SLC38A7: variants seen among roughly 807,000 people sequenced by gnomAD.
The protein encoded by SLC38A7 is solute carrier family 38 member 7, also known as sodium-coupled neutral amino acid transporter 7.
A neutral mutation model predicts 50.1 loss-of-function variants in SLC38A7; 29 were observed. That is an observed-to-expected ratio of 0.58 (90% CI 0.43 to 0.79). The LOEUF is 0.79. Ranked by LOEUF, SLC38A7 falls within the 30% of genes least tolerant of loss-of-function variation. SLC38A7 has a pLI of 0.00. For missense variants in SLC38A7, 483 were observed against 610.6 expected (o/e 0.79, Z 2.20); for synonymous variants, 244 against 245.9 (o/e 0.99, Z 0.07).
rs1282247319 is a variant in SLC38A7 at position 58,675,970 on chromosome 16, C to T, written c.853G>A (p.Val285Ile). 1 of 1,613,394 alleles carries T rather than the reference C, an allele frequency of 6.2e-7. No homozygotes were observed. ...CCCATGTAGACAGCGAGGGCTATGA[C>T]CATGGCAGCTGTCACCACTCCACCC... Reference protein sequence around the residue: ...TWGGVVTAAMVIALAVYMGTG... With the variant: ...TWGGVVTAAMIIALAVYMGTG... Residue 285 changes from valine to isoleucine, a missense_variant, in exon 8 of 12, where the codon GTC (valine) becomes ATC (isoleucine). Transcript: ENST00000219320.
chr16:58,673,472 C>G (rs12922357), intron 8 of SLC38A7, among the ~76,000 whole-genome samples: 92,053 of 151,762 alleles, frequency 0.61, 29,528 homozygotes, highest in African/African-American at 0.84. Flanking sequence ...CTGACCTCGT[C>G]ATCCGCCTGC....
chr16:58,668,696 C>G (rs1367965800), intron 11 of SLC38A7, among the ~76,000 whole-genome samples: 3 of 107,550 alleles, frequency 2.8e-5, no homozygotes. Context: ...GCCTGGGCAA[C>G]GAGTGAAACT....
intron 8 of SLC38A7, among the ~76,000 whole-genome samples, chr16:58,672,491 A>G (rs2044179110): frequency 2.0e-5 from 3 of 152,188 alleles, no homozygotes; most frequent in East Asian, 3.9e-4. Flanking sequence ...TTCCCACCTC[A>G]GTGCCTTGGC....
At position 58,679,759 on chromosome 16, in the gene SLC38A7, C is replaced by T. The variant is rs147209769; in HGVS notation, c.270+98G>A. On this transcript the variant is annotated intron_variant, in intron 3 of 11. Coordinates refer to ENST00000219320, the MANE Select transcript of SLC38A7 (RefSeq NM_018231.3). ...ATGTGTGAGGGAGGGGAGAGCAGTG[C>T]GTGTATCACTTACTGGCCATCCCTG... is the stretch of plus-strand genomic sequence containing the variant. 2.9e-4 allele frequency: 434 copies of T among 1,475,426 alleles called. 3 individuals are homozygous for T. Among genetic ancestry groups the T allele is most frequent in the Admixed American group, 1.1e-3 (62 of 57,500 alleles). 91.4% of individuals were successfully genotyped at this position (1,475,426 alleles called of 1,614,324 possible). A position where few individuals can be genotyped will look rare whatever the true frequency, so the allele number is the denominator to read the frequency against.
intron 11 of SLC38A7, among the ~76,000 whole-genome samples, chr16:58,668,640 A>G (rs2044092700): frequency 8.1e-6 from 1 of 123,904 alleles, no homozygotes; most frequent in African/African-American, 3.1e-5. Flanking sequence ...TGAACCCGGG[A>G]GGTGGAGGTT....
chr16:58,680,749 C>G (rs1005024390), intron 2 of SLC38A7, among the ~76,000 whole-genome samples: 2 of 152,182 alleles, frequency 1.3e-5, no homozygotes. Context: ...GCACGCCTCC[C>G]GGTGGCCTGG....
intron 3 of SLC38A7, among the ~76,000 whole-genome samples, chr16:58,679,177 A>C (rs914223046): frequency 3.6e-4 from 55 of 152,326 alleles, no homozygotes; most frequent in Admixed American, 2.0e-3. Flanking sequence ...GGATCACTTG[A>C]AGTCAGGAGT....
intron 11 of SLC38A7, among the ~76,000 whole-genome samples, chr16:58,667,908 AC>A (rs2044074034): frequency 1.3e-5 from 2 of 152,050 alleles, no homozygotes; most frequent in African/African-American, 4.8e-5. Flanking sequence ...GGTGGCTCAC[AC>A]CTGTAATCCC....
Position 58,671,183 on chromosome 16 carries a change from G to A in SLC38A7, c.1093C>T (p.Arg365Trp), listed in dbSNP as rs374267248. ...TGCAGCACTCGCCGCCGCCGCTCCC[G>A]CCCCACGTCCTCCTCCACTGGCACC... ...QGVPVEEDVG[R>W]ERRRRVLQTL... Residue 365 changes from arginine (R) to tryptophan (W), a missense_variant, in exon 10 of 12, where the codon CGG becomes TGG. Transcript: ENST00000219320. The A allele has an allele frequency of 1.9e-5, 30 of 1,613,796 alleles. No homozygotes were observed. The highest frequency in any genetic ancestry group is 6.7e-5 in the East Asian group (3 of 44,886).
chr16:58,679,848 T>C lies in SLC38A7; in HGVS notation c.270+9A>G. On this transcript the variant is annotated intron_variant, in intron 3 of 11. Transcript: ENST00000219320. ...ACTGCACCTCTGCCCTCCCGGCCAG[T>C]GCACTCACCATCTGCAGTGCGATGC... 1 of 1,613,486 alleles carries C rather than the reference T, an allele frequency of 6.2e-7. No homozygotes were observed. Among genetic ancestry groups the C allele is most frequent in the African/African-American group, 1.3e-5 (1 of 75,062 alleles).
chr16:58,676,080 G>T (rs751713142), intron 7 of SLC38A7, 26 bp from the exon 8 acceptor site: 4 of 1,605,954 alleles, frequency 2.5e-6, no homozygotes, highest in East Asian at 2.2e-5. Flanking sequence ...GCACCGTCAT[G>T]GTGGGGAAAT....
Position 58,667,579 on chromosome 16 carries a change from C to T in SLC38A7, c.1287-92G>A, listed in dbSNP as rs985965567. The T allele has an allele frequency of 1.4e-5, 14 of 978,554 alleles. No homozygotes were observed. The African/African-American group carries it at 2.2e-4, about 15-fold the overall frequency. 60.6% of individuals were successfully genotyped at this position (978,554 alleles called of 1,614,324 possible). A position where few individuals can be genotyped will look rare whatever the true frequency, so the allele number is the denominator to read the frequency against. ...TATAACTGTTAATTACTGTAATTAT[C>T]GCACTTCTCCTGTTGGTAGAGCACT... On this transcript the variant is annotated intron_variant, in intron 11 of 11. Transcript: ENST00000219320.
intron 8 of SLC38A7, among the ~76,000 whole-genome samples, chr16:58,672,735 C>T (rs1413908786): frequency 1.3e-5 from 2 of 152,108 alleles, no homozygotes; most frequent in Non-Finnish European, 2.9e-5. Context: ...CAGCCTTGAC[C>T]TCCTCGGCTC....
chr16:58,681,705 G>A (rs193191342), intron 2 of SLC38A7: 1 of 152,244 alleles, frequency 6.6e-6, no homozygotes, highest in East Asian at 1.9e-4. Flanking sequence ...TACATCATAT[G>A]TTCCTGTGGG....
Position 58,671,034 on chromosome 16 carries a change from G to A in SLC38A7, c.1231+11C>T. 6.3e-7 allele frequency: 1 copy of A among 1,576,516 alleles called. No individual in the cohort carries two copies. The highest frequency in any genetic ancestry group is 8.6e-7 in the Non-Finnish European group (1 of 1,162,162). ...TGTGGGGCTGTGAGATGGGGCGCCA[G>A]GGGTCCGCACCTGGGAAGACGAAGA... On this transcript the variant is annotated intron_variant, in intron 10 of 11. Coordinates refer to ENST00000219320, the MANE Select transcript of SLC38A7 (RefSeq NM_018231.3).
At chr16:58,676,483 G>A in intron 6 of SLC38A7, 137 bp from the exon 7 acceptor site, 3 of 875,712 alleles carry the variant, frequency 3.4e-6, no homozygotes, top group Middle Eastern at 3.3e-4. Context: ...AGAAGTCTGG[G>A]AACAGGGAGA....
At position 58,676,290 on chromosome 16, in the gene SLC38A7, T is replaced by G; in HGVS notation, c.767A>C (p.Gln256Pro). ...GGACCTTGCAACTGGCACTGGCACC[T>G]GAAATCCGAAGCAGATGGTGGGCAT... ...NAMPTICFGF[Q>P]CHVSSVPVFN... Residue 256 changes from glutamine to proline, a missense_variant and splice_region_variant, in exon 7 of 12, where the codon CAG becomes CCG. Gln to Pro is a moderately conservative substitution (Grantham distance 76). Transcript: ENST00000219320. The G allele has an allele frequency of 3.7e-6, 6 of 1,614,148 alleles. No individual in the cohort carries two copies. Among genetic ancestry groups the G allele is most frequent in the Non-Finnish European group, 5.1e-6 (6 of 1,180,008 alleles).
At chr16:58,668,005 A>T (rs1413636958) in intron 11 of SLC38A7, among the ~76,000 whole-genome samples, 1 of 152,018 alleles carries the variant, frequency 6.6e-6, no homozygotes, top group South Asian at 2.1e-4. Flanking sequence ...ATCTCTACTA[A>T]AAACAGAAAA....
At chr16:58,675,011 C>T (rs1257284821) in intron 8 of SLC38A7, among the ~76,000 whole-genome samples, 1 of 152,174 alleles carries the variant, frequency 6.6e-6, no homozygotes, top group East Asian at 1.9e-4. Context: ...ACTGCCTTCA[C>T]CTGCCCCCAT....
Sources: gnomAD v4.1 joint callset for allele counts (sites outside exome capture counted in the v4.1 genomes callset) on GRCh38, gnomAD v4.1.1 for gene constraint, MANE v1.5 for transcripts, NCBI Gene and HGNC (gene_info 2026-07-23, HGNC 2026-07-21) for gene names.